HERC3: variants seen among roughly 807,000 people sequenced by gnomAD.
The protein encoded by HERC3 is probable E3 ubiquitin-protein ligase HERC3.
HERC3 carries 58 observed loss-of-function variants against 129.9 expected under a neutral mutation model. The observed-to-expected ratio is 0.45, with a 90% CI of 0.36 to 0.56. The LOEUF is 0.56. HERC3 is among the 20% of genes least tolerant of loss of function. The pLI is 0.00. For missense variants in HERC3, 835 were observed against 1,244.2 expected, an observed-to-expected ratio of 0.67 and a Z score of 4.95; for synonymous variants, 430 against 451.0, an observed-to-expected ratio of 0.95 and a Z score of 0.59.
intron 3 of HERC3, among the ~76,000 whole-genome samples, chr4:88,626,857 A>G (rs1020054223): frequency 6.6e-6 from 1 of 151,470 alleles, no homozygotes; most frequent in Admixed American, 6.6e-5. Flanking sequence ...TTTGGTTTCA[A>G]TGATTTTTAT....
the HERC3 span, among the ~76,000 whole-genome samples, chr4:88,567,600 A>G: frequency 5.9e-5 from 9 of 152,192 alleles, no homozygotes; most frequent in Admixed American, 5.9e-4. Flanking sequence ...CAGTATGTCA[A>G]TTGAATTTCT....
At chr4:88,552,330 C>T in the HERC3 span, among the ~76,000 whole-genome samples, 4 of 151,952 alleles carry the variant, frequency 2.6e-5, no homozygotes, top group Non-Finnish European at 5.9e-5. Context: ...TCTCAGAGTC[C>T]ATTCTTTGGG....
In HERC3 at chr4:88,637,383, G is replaced by A. The variant is rs1197937569; in HGVS notation, c.227-12457G>A. 3.3e-5 allele frequency among the ~76,000 whole-genome samples: 5 copies of A among 150,124 alleles called. No individual in the cohort carries two copies. In the East Asian group the frequency reaches 5.9e-4, roughly 18 times the overall value. ...AGAGCTTGCAGTGAGCCGAGATCGC[G>A]CCACTGCACTCCAGCCTGGGCCACA... On this transcript the variant is annotated intron_variant, in intron 3 of 25. Transcript: ENST00000402738.
chr4:88,677,112 G>A (rs944271391), intron 18 of HERC3, among the ~76,000 whole-genome samples: 1 of 151,924 alleles, frequency 6.6e-6, no homozygotes, highest in Non-Finnish European at 1.5e-5. Flanking sequence ...TCCAGCCTGG[G>A]CGACAGAGCA....
rs1185779008 is a variant in HERC3, at chr4:88,680,317, A to T, written c.2340+81A>T. The T allele has an allele frequency of 2.8e-6, 3 of 1,080,150 alleles. No homozygotes were observed. The African/African-American group carries it at 4.8e-5, about 17-fold the overall frequency. The allele number at this position is 1,080,150 out of a possible 1,614,324, so 66.9% of individuals were successfully genotyped here. A position where few individuals can be genotyped will look rare whatever the true frequency, so the allele number is the denominator to read the frequency against. On this transcript the variant is annotated intron_variant, in intron 20 of 25. Transcript: ENST00000402738. Reference sequence around the variant, plus strand: ...TGTCAGACCAATCCCCTAACTTCTAACTTTGCAAAGGGGAACATAACAAGG... The same window carrying T: ...TGTCAGACCAATCCCCTAACTTCTATCTTTGCAAAGGGGAACATAACAAGG...
chr4:88,639,489 A>G (rs763404046), intron 3 of HERC3, among the ~76,000 whole-genome samples: 48 of 152,346 alleles, frequency 3.2e-4, no homozygotes, highest in Non-Finnish European at 5.0e-4. Flanking sequence ...CAATGGGGAA[A>G]GGATTTTCTA....
chr4:88,590,274 A>AG (rs1292113638), upstream of HERC3, among the ~76,000 whole-genome samples: 1 of 146,536 alleles, frequency 6.8e-6, no homozygotes, highest in East Asian at 2.1e-4. Context: ...TCTCAAAAAA[A>AG]CAAACTCCGG....
intron 23 of HERC3, chr4:88,690,249 T>A (rs1733937242): frequency 1.1e-5 from 11 of 978,638 alleles, no homozygotes; most frequent in Non-Finnish European, 1.2e-5. Flanking sequence ...ATTTCCTTAA[T>A]AAGACCAGGC....
chr4:88,542,378 C>A, the HERC3 span, among the ~76,000 whole-genome samples: 1 of 152,146 alleles, frequency 6.6e-6, no homozygotes, highest in Admixed American at 6.5e-5. Flanking sequence ...TACACCCTCC[C>A]AAGACTAAAC....
intron 3 of HERC3, among the ~76,000 whole-genome samples, chr4:88,621,239 T>G (rs1476816094): frequency 6.6e-6 from 1 of 152,102 alleles, no homozygotes; most frequent in East Asian, 1.9e-4. Context: ...CCTGAGTAGC[T>G]GGGATTACAG....
At chr4:88,643,412 G>C (rs1299995366) in intron 3 of HERC3, among the ~76,000 whole-genome samples, 1 of 152,152 alleles carries the variant, frequency 6.6e-6, no homozygotes, top group Non-Finnish European at 1.5e-5. Context: ...ATATGGGAAG[G>C]TAAAGGATCT....
intron 3 of HERC3, among the ~76,000 whole-genome samples, chr4:88,640,952 G>A (rs764291200): frequency 1.3e-4 from 20 of 151,786 alleles, no homozygotes; most frequent in Non-Finnish European, 2.8e-4. Context: ...ACCATCAAAC[G>A]GACTAGATAT....
intron 13 of HERC3, 21 bp downstream of exon 13, chr4:88,667,509 A>C: frequency 7.5e-7 from 1 of 1,333,876 alleles, no homozygotes; most frequent in Non-Finnish European, 1.0e-6. Flanking sequence ...ATATTTGTAA[A>C]GTGCATTCTT....
Position 88,706,936 on chromosome 4 carries a change from C to T in HERC3, c.3129C>T (p.Asn1043=), listed in dbSNP as rs941026880. 1.9e-6 allele frequency: 3 copies of T among 1,614,158 alleles called. No individual in the cohort carries two copies. The highest frequency in any genetic ancestry group is 1.3e-5 in the African/African-American group (1 of 75,062). ...CCCGGCTGACCCAGGCCCTTGACAA[C>T]TATGAAGGGTTTAGTTTGGCCTGAG... ...LSARLTQALD[N]YEGFSLA is the part of the protein sequence containing the mutation. Residue 1043 remains asparagine, a synonymous_variant, in exon 26 of 26, where the codon AAC becomes AAT. Coordinates refer to ENST00000402738, the MANE Select transcript of HERC3 (RefSeq NM_014606.3).
chr4:88,666,752 A>G (rs1193688257), intron 12 of HERC3, among the ~76,000 whole-genome samples: 2 of 152,246 alleles, frequency 1.3e-5, no homozygotes, highest in African/African-American at 4.8e-5. Context: ...TAAGGTTAAA[A>G]AAATGATTTA....
chr4:88,643,027 A>C (rs575500797), intron 3 of HERC3, among the ~76,000 whole-genome samples: 2 of 152,346 alleles, frequency 1.3e-5, no homozygotes, highest in Non-Finnish European at 2.9e-5. Flanking sequence ...ATTGAAAATT[A>C]AAAAACTATT....
At chr4:88,636,245 G>A (rs1454182218) in intron 3 of HERC3, among the ~76,000 whole-genome samples, 2 of 152,120 alleles carry the variant, frequency 1.3e-5, no homozygotes, top group Admixed American at 1.3e-4. Flanking sequence ...CTGTATTCAA[G>A]AGACCCATCT....
At chr4:88,614,167 A>T (rs937111792) in intron 3 of HERC3, among the ~76,000 whole-genome samples, 32 of 152,200 alleles carry the variant, frequency 2.1e-4, no homozygotes, top group Non-Finnish European at 4.0e-4. Context: ...GTGGTTAATG[A>T]TACATATATA....
At position 88,654,067 on chromosome 4, in the gene HERC3, ACT is replaced by A; in HGVS notation, c.714_715del (p.Leu239ThrfsTer9). The stretch of plus-strand genomic sequence containing the variant: ...ATCGAGAATCTCCATGCCATGTAAA[ACT>A]CTTACGCACGCAAAAAGTTGTCTAT... ...KDRESPCHVK[L>X]LRTQKVVYIS... On this transcript the variant is annotated frameshift_variant, in exon 7 of 26. Coordinates refer to ENST00000402738, the MANE Select transcript of HERC3 (RefSeq NM_014606.3). LOFTEE classifies it high-confidence loss of function. 6.2e-7 allele frequency: 1 copy of A among 1,612,510 alleles called. No homozygotes were observed. The highest frequency in any genetic ancestry group is 8.5e-7 in the Non-Finnish European group (1 of 1,178,918).
Sources: gnomAD v4.1 joint callset for allele counts (sites outside exome capture counted in the v4.1 genomes callset) on GRCh38, gnomAD v4.1.1 for gene constraint, MANE v1.5 for transcripts, NCBI Gene and HGNC (gene_info 2026-07-23, HGNC 2026-07-21) for gene names.